PAPPA: variants seen among roughly 807,000 people sequenced by gnomAD.
The protein encoded by PAPPA is pappalysin-1.
PAPPA carries 60 observed loss-of-function variants against 164.0 expected under a neutral mutation model. The observed-to-expected ratio is 0.37, with a 90% CI of 0.30 to 0.45. The LOEUF is 0.45. Ranked by LOEUF, PAPPA falls within the 20% of genes least tolerant of loss-of-function variation. The pLI is 1.00. For synonymous variants in PAPPA, 875 were observed against 814.1 expected (o/e 1.07, Z -1.27); for missense variants, 1,782 against 2,087.3 (o/e 0.85, Z 2.85).
rs759748034 is a variant in PAPPA, at chr9:116,271,460, G to A, written c.2953+44G>A. The A allele has an allele frequency of 5.3e-6, 7 of 1,316,186 alleles. No individual in the cohort carries two copies. The highest frequency in any genetic ancestry group is 1.2e-5 in the South Asian group (1 of 85,040). 81.5% of individuals were successfully genotyped at this position (1,316,186 alleles called of 1,614,324 possible). A position where few individuals can be genotyped will look rare whatever the true frequency, so the allele number is the denominator to read the frequency against. Reference sequence around the variant, plus strand: ...TTGTGGCCTTCATGAAGAAATGAACGGTGCAGAATGGTTGGTCAATGATAA... The same window carrying A: ...TTGTGGCCTTCATGAAGAAATGAACAGTGCAGAATGGTTGGTCAATGATAA... On this transcript the variant is annotated intron_variant, in intron 9 of 21. Transcript: ENST00000328252. This position sits in a 1 kb window ranked among gnomAD's most constrained non-coding sequence, Gnocchi z 4.2.
intron 1 of PAPPA, among the ~76,000 whole-genome samples, chr9:116,180,847 C>T (rs886871755): frequency 6.6e-6 from 1 of 152,258 alleles, no homozygotes; most frequent in East Asian, 1.9e-4. Flanking sequence ...AATCAGGAGA[C>T]TCGAATTCCA....
At chr9:116,242,348 G>A (rs1844746530) in intron 7 of PAPPA, among the ~76,000 whole-genome samples, 1 of 152,118 alleles carries the variant, frequency 6.6e-6, no homozygotes. Flanking sequence ...GTTCAGCCAA[G>A]ATTGATAAAT....
intron 2 of PAPPA, among the ~76,000 whole-genome samples, chr9:116,198,237 C>G (rs1844130538): frequency 6.6e-6 from 1 of 152,200 alleles, no homozygotes. Context: ...AATTGTATTA[C>G]TACTGTGTTG....
intron 4 of PAPPA, among the ~76,000 whole-genome samples, chr9:116,214,310 C>A (rs1157393024): frequency 6.6e-6 from 1 of 152,122 alleles, no homozygotes; most frequent in African/African-American, 2.4e-5. Context: ...ACATGCCGGA[C>A]ACTGTATGAA....
chr9:116,259,850 A>G (rs944587173), intron 7 of PAPPA, among the ~76,000 whole-genome samples: 2 of 152,234 alleles, frequency 1.3e-5, no homozygotes, highest in African/African-American at 4.8e-5. Flanking sequence ...AAATATTTCA[A>G]GTAACATTGT....
chr9:116,362,216 G>A (rs754244514), intron 17 of PAPPA, among the ~76,000 whole-genome samples: 3 of 151,992 alleles, frequency 2.0e-5, no homozygotes, highest in Non-Finnish European at 4.4e-5. Context: ...GCTACTCTCT[G>A]TGTCATTCAA....
intron 15 of PAPPA, among the ~76,000 whole-genome samples, chr9:116,351,997 T>C (rs1846288265): frequency 6.6e-6 from 1 of 152,168 alleles, no homozygotes; most frequent in South Asian, 2.1e-4. Context: ...GAGCTGGCAG[T>C]GAAAAGCCTA....
intron 19 of PAPPA, among the ~76,000 whole-genome samples, chr9:116,372,257 T>C (rs937918118): frequency 1.3e-5 from 2 of 152,148 alleles, no homozygotes; most frequent in Non-Finnish European, 2.9e-5. Flanking sequence ...ACAGTTGTTG[T>C]TTTTCTGCTT....
intron 20 of PAPPA, among the ~76,000 whole-genome samples, chr9:116,379,882 A>C (rs1846704935): frequency 6.6e-6 from 1 of 152,160 alleles, no homozygotes; most frequent in Non-Finnish European, 1.5e-5. Context: ...AGAAGGAGCA[A>C]CATGAGATAA....
intron 5 of PAPPA, among the ~76,000 whole-genome samples, chr9:116,225,708 T>C (rs1406880947): frequency 6.6e-6 from 1 of 152,114 alleles, no homozygotes; most frequent in African/African-American, 2.4e-5. Flanking sequence ...CTACATATGG[T>C]TTCATATTTA....
chr9:116,196,177 G>A (rs74890845), intron 2 of PAPPA, among the ~76,000 whole-genome samples: 2,586 of 152,298 alleles, frequency 0.017, 57 homozygotes, highest in East Asian at 0.11. Context: ...ACAGATAAAA[G>A]TTGGAACTCC....
At chr9:116,339,443 C>T (rs973149126) in intron 13 of PAPPA, among the ~76,000 whole-genome samples, 1 of 152,114 alleles carries the variant, frequency 6.6e-6, no homozygotes, top group Non-Finnish European at 1.5e-5. Context: ...TACCACACCA[C>T]AATACACTGG....
chr9:116,334,352 T>C (rs1846032688), intron 12 of PAPPA, among the ~76,000 whole-genome samples: 1 of 151,926 alleles, frequency 6.6e-6, no homozygotes, highest in South Asian at 2.1e-4. Flanking sequence ...CTGCCCACGA[T>C]TCTCAACCTC....
chr9:116,268,281 G>A (rs1845095155), intron 8 of PAPPA, among the ~76,000 whole-genome samples: 1 of 152,162 alleles, frequency 6.6e-6, no homozygotes, highest in Admixed American at 6.5e-5. Flanking sequence ...AGAAGATACA[G>A]TTTCCAATGC....
At chr9:116,380,957 G>C (rs1846723020) in intron 20 of PAPPA, among the ~76,000 whole-genome samples, 1 of 152,186 alleles carries the variant, frequency 6.6e-6, no homozygotes, top group Admixed American at 6.5e-5. Flanking sequence ...TGGATGCAAA[G>C]GTCTTAAACA....
At chr9:116,253,771 G>A (rs1449401411) in intron 7 of PAPPA, among the ~76,000 whole-genome samples, 3 of 152,068 alleles carry the variant, frequency 2.0e-5, no homozygotes, top group South Asian at 2.1e-4. Context: ...CAGCTCCAAC[G>A]CCATTCAGTA....
intron 7 of PAPPA, among the ~76,000 whole-genome samples, chr9:116,250,304 G>T (rs980791336): frequency 1.3e-5 from 2 of 152,088 alleles, no homozygotes; most frequent in East Asian, 3.9e-4. Context: ...CCATTCTGAT[G>T]CTAGCTTTTA....
In PAPPA at chr9:116,213,311, A is replaced by G. The variant is rs577465295; in HGVS notation, c.1918+1379A>G. 2.6e-5 allele frequency among the ~76,000 whole-genome samples: 4 copies of G among 152,288 alleles called. 1 individual carries two copies. In the South Asian group the frequency reaches 8.3e-4, roughly 32 times the overall value. ...TCTTTCTGCTTGTCCATTTGGGCTG[A>G]TGACCCCTGGGGGCCTCTCCAGTAT... On this transcript the variant is annotated intron_variant, in intron 4 of 21. Transcript: ENST00000328252.
In PAPPA at chr9:116,265,972, G is replaced by T; in HGVS notation, c.2848G>T (p.Gly950Cys). The change falls in exon 8 of 22, where the codon GGC (glycine) becomes TGC (cysteine). Residue 950 changes from glycine (G) to cysteine (C), a missense_variant. Gly to Cys is a radical substitution (Grantham distance 159). Coordinates refer to ENST00000328252, the MANE Select transcript of PAPPA (RefSeq NM_002581.5). ...YIHGSGYCGDGIIQKDQGEQC... is the reference protein window; with the variant it reads ...YIHGSGYCGDCIIQKDQGEQC... ...CCATGGAAGTGGGTACTGTGGCGAT[G>T]GCATTATACAAAAGTAAGTAGATCT... 6.2e-7 allele frequency: 1 copy of T among 1,608,584 alleles called. No individual in the cohort carries two copies.
Sources: gnomAD v4.1 joint callset for allele counts (sites outside exome capture counted in the v4.1 genomes callset) on GRCh38, gnomAD v4.1.1 for gene constraint, Gnocchi (gnomAD v3.1) non-coding constraint, MANE v1.5 for transcripts, NCBI Gene and HGNC (gene_info 2026-07-23, HGNC 2026-07-21) for gene names.